Variants in ROS1 observed in about 807,000 individuals in gnomAD.
ROS1 encodes proto-oncogene tyrosine-protein kinase ROS.
Under a neutral mutation model 273.5 loss-of-function variants are expected in ROS1, and 263 were observed. The observed-to-expected ratio is 0.96, with a 90% CI of 0.87 to 1.06. The LOEUF (loss-of-function observed/expected upper bound fraction) is 1.06. Among genes scored for constraint, ROS1 ranks in the 50% least tolerant of loss-of-function variants. ROS1 has a pLI of 0.00. For missense variants in ROS1, 2,833 were observed against 2,751.1 expected (o/e 1.03, Z -0.67); for synonymous variants, 1,008 against 954.1 (o/e 1.06, Z -1.04).
At chr6:117,292,863 T>C (rs1368386324) in intron 43 of ROS1, among the ~76,000 whole-genome samples, 1 of 152,224 alleles carries the variant, frequency 6.6e-6, no homozygotes, top group Non-Finnish European at 1.5e-5. Flanking sequence ...GACTCTTTTT[T>C]GTTCTCTCTA....
Position 117,310,192 on chromosome 6 carries a change from T to C in ROS1, c.6305A>G (p.Asp2102Gly), listed in dbSNP as rs563507203. The change falls in exon 41 of 44, where the codon GAC (aspartate) becomes GGC (glycine). Residue 2102 changes from aspartate to glycine, a missense_variant. Asp to Gly is a moderately conservative substitution (Grantham distance 94, BLOSUM62 -1). Transcript: ENST00000368507. Reference sequence around the variant, plus strand: ...TCTATAGTAATCATTTTTATAGATGTCTCTGGCGAGTCCAAAGTCTCCAAT... The same window carrying C: ...TCTATAGTAATCATTTTTATAGATGCCTCTGGCGAGTCCAAAGTCTCCAAT... ...VKIGDFGLAR[D>G]IYKNDYYRKR... The C allele has an allele frequency of 1.5e-5, 24 of 1,613,274 alleles. No homozygotes were observed. In the East Asian group the frequency reaches 1.6e-4, roughly 10 times the overall value.
chr6:117,340,181 T>C (rs2301486), intron 31 of ROS1, among the ~76,000 whole-genome samples: 16,294 of 152,162 alleles, frequency 0.11, 969 homozygotes, highest in Middle Eastern at 0.15. Context: ...GACAACAAAT[T>C]ATCAGAAACA....
At chr6:117,364,288 C>A (rs1444530088) in intron 21 of ROS1, among the ~76,000 whole-genome samples, 1 of 152,172 alleles carries the variant, frequency 6.6e-6, no homozygotes, top group Non-Finnish European at 1.5e-5. Context: ...TAAGCTCTTA[C>A]CACCTGCCAA....
At chr6:117,350,976 C>T (rs1037356269) in intron 27 of ROS1, among the ~76,000 whole-genome samples, 1 of 152,116 alleles carries the variant, frequency 6.6e-6, no homozygotes, top group Non-Finnish European at 1.5e-5. Context: ...ACATCCCTGC[C>T]ATATTTAAAT....
intron 31 of ROS1, among the ~76,000 whole-genome samples, chr6:117,339,799 C>A (rs538447561): frequency 1.3e-3 from 193 of 152,238 alleles, no homozygotes; most frequent in African/African-American, 4.4e-3. Context: ...AGATCTCTGT[C>A]TGCTGTCCTT....
intron 31 of ROS1, among the ~76,000 whole-genome samples, chr6:117,339,433 C>T (rs1777742298): frequency 6.6e-6 from 1 of 152,082 alleles, no homozygotes; most frequent in Non-Finnish European, 1.5e-5. Context: ...CTTTCTAAAA[C>T]ATTACTAATT....
chr6:117,420,795 T>C (rs540539509), intron 1 of ROS1, among the ~76,000 whole-genome samples: 23 of 152,160 alleles, frequency 1.5e-4, no homozygotes, highest in African/African-American at 5.5e-4. Context: ...ATAATTATTA[T>C]AGTGCAGTGC....
At chr6:117,385,184 TA>T (rs1772459522) in intron 16 of ROS1, among the ~76,000 whole-genome samples, 1 of 152,204 alleles carries the variant, frequency 6.6e-6, no homozygotes, top group Non-Finnish European at 1.5e-5. Flanking sequence ...TGTATTTATT[TA>T]AATTATTATT....
chr6:117,422,786 T>G (rs1775855704), intron 1 of ROS1, among the ~76,000 whole-genome samples: 1 of 152,104 alleles, frequency 6.6e-6, no homozygotes, highest in African/African-American at 2.4e-5. Context: ...AACTGTCTAG[T>G]GATAGAAACC....
intron 7 of ROS1, among the ~76,000 whole-genome samples, chr6:117,398,970 T>C (rs1216450807): frequency 7.4e-6 from 1 of 134,560 alleles, no homozygotes; most frequent in East Asian, 2.2e-4. Flanking sequence ...GACTCTGTCT[T>C]AAAAAAAAAA....
chr6:117,405,667 GA>G (rs910722366), intron 5 of ROS1, among the ~76,000 whole-genome samples: 72 of 146,220 alleles, frequency 4.9e-4, no homozygotes, highest in African/African-American at 1.4e-3. Context: ...TGATACATAT[GA>G]AAAAAAAAAG....
At chr6:117,372,163 A>C (rs1780845806) in intron 18 of ROS1, among the ~76,000 whole-genome samples, 1 of 152,220 alleles carries the variant, frequency 6.6e-6, no homozygotes, top group Non-Finnish European at 1.5e-5. Context: ...AAAAGCTGAA[A>C]GCATTCCCTC....
chr6:117,362,693 T>A lies in ROS1; in HGVS notation c.3276A>T (p.Thr1092=), dbSNP rs1379543719. Residue 1092 remains threonine, a synonymous_variant, in exon 22 of 44, where the codon ACA becomes ACT. Coordinates refer to ENST00000368507, the MANE Select transcript of ROS1 (RefSeq NM_001378902.1). The stretch of plus-strand genomic sequence containing the variant: ...CATTGACAGCAATCCAGTCTTCACA[T>A]GTTTTGTTTGTAATACTTTGATTGG... The part of the protein sequence containing the change: ...NISNQSITNK[T]CEDWIAVNVT... 1.9e-6 allele frequency: 3 copies of A among 1,613,394 alleles called. No homozygotes were observed. Among genetic ancestry groups the A allele is most frequent in the Non-Finnish European group, 2.5e-6 (3 of 1,179,506 alleles).
At chr6:117,396,074 T>C (rs1206899872) in intron 9 of ROS1, 114 bp downstream of exon 9, 1 of 569,336 alleles carries the variant, frequency 1.8e-6, no homozygotes, top group East Asian at 2.7e-5. Flanking sequence ...CAATAATCAT[T>C]TGGGCAGAAG....
chr6:117,381,087 G>A (rs1772089155), intron 17 of ROS1, among the ~76,000 whole-genome samples: 1 of 151,798 alleles, frequency 6.6e-6, no homozygotes, highest in South Asian at 2.1e-4. Context: ...CACTAAGGGA[G>A]TCAGATAGAT....
At chr6:117,387,513 T>A (rs6913231) in intron 14 of ROS1, among the ~76,000 whole-genome samples, 1,972 of 152,310 alleles carry the variant, frequency 0.013, 25 homozygotes, top group Non-Finnish European at 0.021. Flanking sequence ...CCGTAAAGAA[T>A]CAATTATAGT....
At chr6:117,422,026 T>C (rs1582913050) in intron 1 of ROS1, among the ~76,000 whole-genome samples, 1 of 152,194 alleles carries the variant, frequency 6.6e-6, no homozygotes, top group African/African-American at 2.4e-5. Flanking sequence ...AACCTTTCTG[T>C]TTTTGTTTCT....
chr6:117,405,295 T>C (rs1299375848), intron 5 of ROS1, among the ~76,000 whole-genome samples: 2 of 152,178 alleles, frequency 1.3e-5, no homozygotes, highest in Non-Finnish European at 2.9e-5. Flanking sequence ...GTCTATACTC[T>C]GTAATCCAGA....
intron 16 of ROS1, among the ~76,000 whole-genome samples, chr6:117,385,208 C>A (rs112748224): frequency 5.7e-4 from 86 of 152,180 alleles, no homozygotes; most frequent in African/African-American, 1.8e-3. Context: ...GGAAAAAATA[C>A]CTAATTCAAC....
Sources: allele counts gnomAD v4.1 joint callset (sites outside exome capture counted in the v4.1 genomes callset), GRCh38; gene constraint gnomAD v4.1.1; transcripts MANE v1.5; gene names NCBI Gene and HGNC (gene_info 2026-07-23, HGNC 2026-07-21).